The following STIM1 variants were observed in gnomAD, a reference collection of about 807,000 sequenced individuals.
The protein encoded by STIM1 is stromal interaction molecule 1.
A neutral mutation model predicts 74.7 loss-of-function variants in STIM1; 25 were observed. The observed-to-expected ratio is 0.33, with a 90% confidence interval of 0.24 to 0.47. The LOEUF (loss-of-function observed/expected upper bound fraction) is 0.47. STIM1 is among the 20% of genes least tolerant of loss of function. The pLI, the probability that STIM1 is intolerant of heterozygous loss-of-function variation, is 1.00. For synonymous variants in STIM1, 328 were observed against 348.8 expected (o/e 0.94, Z 0.66); for missense variants, 728 against 920.8 (o/e 0.79, Z 2.71).
rs550047019 is a variant in STIM1, at chr11:3,857,498, G to C, written c.139+1089G>C. On this transcript the variant is annotated intron_variant, in intron 1 of 12. Transcript: ENST00000526596. ...TGCAGGGATCCCTCCCAAAGTGCTG[G>C]GATTACAGGTGTGAGCCACTGTACC... Among the ~76,000 whole-genome samples, 284 of 151,786 alleles carry C rather than the reference G, an allele frequency of 1.9e-3. 1 individual carries two copies. The highest frequency in any genetic ancestry group is 6.5e-3 in the African/African-American group (267 of 41,336).
chr11:4,074,408 A>G (rs1201883001), intron 6 of STIM1, 94 bp from the exon 7 acceptor site: 16 of 1,433,866 alleles, frequency 1.1e-5, no homozygotes, highest in Non-Finnish European at 1.6e-5. Context: ...TGAGAGTTGG[A>G]GCTGTCATTT....
chr11:3,953,859 T>C (rs2093179977), intron 1 of STIM1, among the ~76,000 whole-genome samples: 1 of 149,598 alleles, frequency 6.7e-6, no homozygotes, highest in Admixed American at 6.8e-5. Context: ...CACAGCTCAC[T>C]GCAGTCTTGA....
At chr11:4,016,122 G>A (rs553205021) in intron 2 of STIM1, among the ~76,000 whole-genome samples, 1 of 152,274 alleles carries the variant, frequency 6.6e-6, no homozygotes, top group Admixed American at 6.5e-5. Context: ...AGGAGAAGAG[G>A]CGTTCCAGTT....
chr11:4,086,409 G>A (rs760791230), intron 11 of STIM1, 68 bp from the exon 12 acceptor site: 94 of 1,577,846 alleles, frequency 6.0e-5, no homozygotes, highest in Admixed American at 6.9e-5. Flanking sequence ...TTTATTCATG[G>A]GCACCTCCTT....
At chr11:4,007,792 T>C (rs1397047715) in intron 2 of STIM1, among the ~76,000 whole-genome samples, 1 of 152,130 alleles carries the variant, frequency 6.6e-6, no homozygotes, top group African/African-American at 2.4e-5. Flanking sequence ...AAGTGAGTAA[T>C]GTGGGCTGTA....
chr11:3,999,039 G>A (rs2093687702), intron 2 of STIM1, among the ~76,000 whole-genome samples: 1 of 152,220 alleles, frequency 6.6e-6, no homozygotes, highest in African/African-American at 2.4e-5. Flanking sequence ...GCCTGGCTAT[G>A]TTTCAGTAAA....
intron 2 of STIM1, among the ~76,000 whole-genome samples, chr11:4,002,134 A>G (rs2093723870): frequency 7.0e-6 from 1 of 143,536 alleles, no homozygotes; most frequent in Non-Finnish European, 1.5e-5. Context: ...ACACAATAAT[A>G]ATGGGAGACT....
chr11:3,899,532 G>T (rs1311302569), intron 1 of STIM1, among the ~76,000 whole-genome samples: 1 of 150,824 alleles, frequency 6.6e-6, no homozygotes, highest in African/African-American at 2.4e-5. Flanking sequence ...TAATTGCCCT[G>T]GCCAGAACTT....
In STIM1 at chr11:4,074,507, A is replaced by G. The variant is rs768846227; in HGVS notation, c.797A>G (p.His266Arg). ...TCCCTGCATTGCCCCCCCAGGCTGC[A>G]CAAGGCCCAGGAGGAGCACCGCACA... ...QSLHDLQERL[H>R]KAQEEHRTVE... The change falls in exon 7 of 13, where the codon CAC becomes CGC. Residue 266 changes from histidine to arginine, a missense_variant. By Grantham distance (29) the His-to-Arg change is conservative. Around this residue, in one of 5 missense-constraint regions of STIM1, gnomAD observed 131 missense variants for 235.9 expected, o/e 0.56. Coordinates refer to ENST00000526596, the MANE Select transcript of STIM1 (RefSeq NM_001382567.1). The G allele has an allele frequency of 1.2e-6, 2 of 1,613,520 alleles. No individual in the cohort carries two copies. The highest frequency in any genetic ancestry group is 1.7e-6 in the Non-Finnish European group (2 of 1,179,984).
intron 2 of STIM1, chr11:3,973,373 A>G: frequency 2.4e-6 from 1 of 421,764 alleles, no homozygotes; most frequent in Non-Finnish European, 4.6e-6. Flanking sequence ...CCCTAACTTC[A>G]TAGTTGTGGC....
chr11:4,077,761 A>G (rs2094445170), intron 7 of STIM1, among the ~76,000 whole-genome samples: 1 of 151,862 alleles, frequency 6.6e-6, no homozygotes. Flanking sequence ...TCTATCTTTT[A>G]AGTTCTTTAA....
chr11:4,061,098 A>C (rs1171708728), intron 5 of STIM1, among the ~76,000 whole-genome samples: 5 of 152,198 alleles, frequency 3.3e-5, no homozygotes, highest in Non-Finnish European at 5.9e-5. Flanking sequence ...TTAGCCTTGT[A>C]ATATATATTA....
chr11:3,911,870 G>A (rs1049326650), intron 1 of STIM1, among the ~76,000 whole-genome samples: 1 of 152,190 alleles, frequency 6.6e-6, no homozygotes, highest in Non-Finnish European at 1.5e-5. Context: ...TGCCACACAA[G>A]ATTGGAAGTT....
Position 3,924,350 on chromosome 11 carries a change from C to G in STIM1, c.140-43202C>G, listed in dbSNP as rs1157124952. ...AGTAGCTGGGACTACAGGCGCCCAC[C>G]ACCACGCCCGGCTAATTTTTTGTAT... On this transcript the variant is annotated intron_variant, in intron 1 of 12. Coordinates refer to ENST00000526596, the MANE Select transcript of STIM1 (RefSeq NM_001382567.1). Among the ~76,000 whole-genome samples, 10 of 151,966 alleles carry G rather than the reference C, an allele frequency of 6.6e-5. No individual in the cohort carries two copies. The East Asian group carries it at 1.5e-3, about 24-fold the overall frequency.
At chr11:3,966,965 A>G (rs1375776631) in intron 1 of STIM1, among the ~76,000 whole-genome samples, 2 of 152,210 alleles carry the variant, frequency 1.3e-5, no homozygotes, top group Non-Finnish European at 2.9e-5. Flanking sequence ...ATATCTAAAA[A>G]ATATTTGCCT....
intron 1 of STIM1, among the ~76,000 whole-genome samples, chr11:3,888,564 G>A (rs867228420): frequency 1.1e-4 from 16 of 151,954 alleles, no homozygotes; most frequent in Admixed American, 2.6e-4. Flanking sequence ...TTGAGACAGA[G>A]TCTCCCTCTG....
At chr11:3,895,947 CAGG>C (rs200585857) in intron 1 of STIM1, among the ~76,000 whole-genome samples, 1,640 of 147,142 alleles carry the variant, frequency 0.011, 42 homozygotes, top group African/African-American at 0.039. Flanking sequence ...CTCTGTTGCC[CAGG>C]CTGGAGTGTA....
rs1565104711 is a variant in STIM1, at chr11:3,895,662, CTTT to C, written c.139+39254_139+39256del. On this transcript the variant is annotated intron_variant, in intron 1 of 12. Transcript: ENST00000526596. ...TCTTTCTTTCTTTCTTTCTTTCTTT[CTTT>C]CTTTCTTTCCTTCCTTCCTTCTTTC... 1.9e-3 allele frequency among the ~76,000 whole-genome samples: 60 copies of C among 31,234 alleles called. 1 individual carries two copies. Among genetic ancestry groups the C allele is most frequent in the Admixed American group, 3.3e-3 (9 of 2,734 alleles). 20.5% of individuals were successfully genotyped at this position (31,234 alleles called of 152,430 possible).
intron 2 of STIM1, among the ~76,000 whole-genome samples, chr11:4,009,686 T>C (rs1347261093): frequency 6.6e-6 from 1 of 152,088 alleles, no homozygotes; most frequent in Non-Finnish European, 1.5e-5. Flanking sequence ...ATAAAAATAG[T>C]GTGCTTGCTA....
Sources: gnomAD v4.1 joint callset for allele counts (sites outside exome capture counted in the v4.1 genomes callset) on GRCh38, gnomAD v4.1.1 for gene constraint, gnomAD v4.1.1 regional missense constraint, MANE v1.5 for transcripts, NCBI Gene and HGNC (gene_info 2026-07-23, HGNC 2026-07-21) for gene names.